The following KAZN variants were observed in gnomAD, a reference collection of about 807,000 sequenced individuals.
KAZN encodes the protein kazrin.
A neutral mutation model predicts 87.4 loss-of-function variants in KAZN; 40 were observed. That is an observed-to-expected ratio of 0.46 (90% confidence interval 0.36 to 0.60). The LOEUF (loss-of-function observed/expected upper bound fraction) is 0.60. KAZN is among the 20% of genes least tolerant of loss of function. The pLI is 0.00. For missense variants in KAZN, 898 were observed against 1,073.9 expected, an observed-to-expected ratio of 0.84 and a Z score of 2.29; for synonymous variants, 466 against 458.3, an observed-to-expected ratio of 1.02 and a Z score of -0.22.
intron 2 of KAZN, among the ~76,000 whole-genome samples, chr1:14,212,168 G>A (rs1044928360): frequency 2.0e-5 from 3 of 152,190 alleles, no homozygotes; most frequent in African/African-American, 7.2e-5. Context: ...AGCCAAAACA[G>A]CACCAGTGCC....
chr1:13,971,290 G>C (rs1642127349), intron 1 of KAZN, among the ~76,000 whole-genome samples: 1 of 152,308 alleles, frequency 6.6e-6, no homozygotes, highest in South Asian at 2.1e-4. Flanking sequence ...GTCTCTGCTT[G>C]CTTCACCTTT....
chr1:13,914,022 C>T lies in KAZN; in HGVS notation c.91+20266C>T, dbSNP rs555715460. On this transcript the variant is annotated intron_variant, in intron 1 of 16. Coordinates refer to the KAZN transcript ENST00000636203. ...ACTCTGGGGGTGAGGCCCGGTAATCCGAGTTTCAGCGCATTCTGGCCTGGC... is the reference window on the plus strand; with the variant it reads ...ACTCTGGGGGTGAGGCCCGGTAATCTGAGTTTCAGCGCATTCTGGCCTGGC... Among the ~76,000 whole-genome samples, 86 of 152,290 alleles carry T rather than the reference C, an allele frequency of 5.6e-4. No individual in the cohort carries two copies. The East Asian group carries it at 0.012, about 21-fold the overall frequency.
chr1:14,234,190 A>G (rs1315127726), intron 2 of KAZN, among the ~76,000 whole-genome samples: 1 of 152,214 alleles, frequency 6.6e-6, no homozygotes, highest in Non-Finnish European at 1.5e-5. Flanking sequence ...AAAATGTGGA[A>G]CATATATACC....
chr1:14,371,212 G>C (rs1011018989), intron 2 of KAZN, among the ~76,000 whole-genome samples: 1 of 152,184 alleles, frequency 6.6e-6, no homozygotes, highest in Non-Finnish European at 1.5e-5. Context: ...TTTGGGACAA[G>C]TCCTGGGGGA....
At chr1:14,780,202 C>T (rs928188907) in intron 1 of KAZN, among the ~76,000 whole-genome samples, 3 of 152,204 alleles carry the variant, frequency 2.0e-5, no homozygotes, top group African/African-American at 7.2e-5. Flanking sequence ...AAAGCCTTGG[C>T]CCGATCTTTG....
intron 2 of KAZN, among the ~76,000 whole-genome samples, chr1:14,529,914 A>C (rs968829767): frequency 7.2e-5 from 11 of 152,304 alleles, no homozygotes; most frequent in Non-Finnish European, 1.3e-4. Flanking sequence ...CTTTTATGAC[A>C]AAAGCACCTG....
intron 1 of KAZN, among the ~76,000 whole-genome samples, chr1:13,945,704 TGTGTGTGAGA>T (rs1430440706): frequency 2.1e-5 from 3 of 139,690 alleles, no homozygotes; most frequent in Non-Finnish European, 3.1e-5. Flanking sequence ...TGTGTGTGTG[TGTGTGTGAGA>T]GAGAGAGAGA....
intron 2 of KAZN, among the ~76,000 whole-genome samples, chr1:14,216,116 A>G (rs1434706704): frequency 6.6e-6 from 1 of 152,198 alleles, no homozygotes; most frequent in Non-Finnish European, 1.5e-5. Context: ...ATTGACAAAA[A>G]TATGATTTTG....
chr1:14,308,859 G>A (rs150174303), intron 2 of KAZN, among the ~76,000 whole-genome samples: 2 of 152,200 alleles, frequency 1.3e-5, no homozygotes, highest in East Asian at 1.9e-4. Flanking sequence ...ATGATTTCCT[G>A]GTCTGTCAGA....
chr1:14,990,455 CT>C lies in KAZN; in HGVS notation c.418+29581del, dbSNP rs1667242995. ...CCCAGGCTAGTCTTTAACTCCTGGG[CT>C]CAAGCAATCCACCCGCCTTGGCCTC... On this transcript the variant is annotated intron_variant, in intron 2 of 14. Transcript: ENST00000376030. 1.3e-5 allele frequency among the ~76,000 whole-genome samples: 2 copies of C among 152,218 alleles called. 1 individual carries two copies. The highest frequency in any genetic ancestry group is 4.1e-4 in the South Asian group (2 of 4,834).
intron 2 of KAZN, among the ~76,000 whole-genome samples, chr1:14,474,842 A>G (rs1490350339): frequency 6.6e-6 from 1 of 152,182 alleles, no homozygotes; most frequent in Admixed American, 6.5e-5. Flanking sequence ...TTAAGATGTA[A>G]TAGTGAGGCA....
At chr1:14,190,517 G>T (rs1014883906) in intron 2 of KAZN, among the ~76,000 whole-genome samples, 2 of 152,140 alleles carry the variant, frequency 1.3e-5, no homozygotes, top group African/African-American at 4.8e-5. Context: ...TGACTTTGCA[G>T]CCTTTCTCTA....
intron 8 of KAZN, among the ~76,000 whole-genome samples, chr1:15,085,772 G>T (rs943669856): frequency 1.3e-5 from 2 of 152,132 alleles, no homozygotes; most frequent in African/African-American, 4.8e-5. Flanking sequence ...GAATTAGAAA[G>T]TCCAACTTAT....
chr1:14,455,600 A>G (rs958710235), intron 2 of KAZN, among the ~76,000 whole-genome samples: 2 of 152,232 alleles, frequency 1.3e-5, no homozygotes, highest in African/African-American at 4.8e-5. Context: ...GTGATCTGAA[A>G]GAAAAAATAA....
intron 1 of KAZN, among the ~76,000 whole-genome samples, chr1:14,877,112 A>G (rs757026276): frequency 1.3e-5 from 2 of 152,062 alleles, no homozygotes; most frequent in Non-Finnish European, 1.5e-5. Context: ...TCCTTCAGGC[A>G]TGACTGGCTC....
At chr1:14,659,881 T>TAA (rs1039344560) in intron 1 of KAZN, among the ~76,000 whole-genome samples, 3 of 140,102 alleles carry the variant, frequency 2.1e-5, no homozygotes, top group South Asian at 4.5e-4. Context: ...ACACATTCTT[T>TAA]AAAAAAAAAA....
chr1:15,066,464 C>T lies in KAZN; in HGVS notation c.1222+711C>T. On this transcript the variant is annotated intron_variant, in intron 8 of 14. Transcript: ENST00000376030. The surrounding 1 kb of genome is among the most constrained non-coding windows in gnomAD (Gnocchi z 4.3). The stretch of plus-strand genomic sequence containing the variant: ...CTCTACAAAGACTCGCGAGCCGGGC[C>T]AAGGGGCCTTGTCTTGGCTGGGTTT... 4.1e-6 allele frequency: 4 copies of T among 985,412 alleles called. No individual in the cohort carries two copies. The highest frequency in any genetic ancestry group is 4.8e-6 in the Non-Finnish European group (4 of 829,946). The allele number at this position is 985,412 out of a possible 1,614,324, so 61.0% of individuals were successfully genotyped here. A position where few individuals can be genotyped will look rare whatever the true frequency, so the allele number is the denominator to read the frequency against.
chr1:14,494,006 C>T (rs1323118547), intron 2 of KAZN, among the ~76,000 whole-genome samples: 1 of 152,176 alleles, frequency 6.6e-6, no homozygotes, highest in East Asian at 1.9e-4. Context: ...TCTCCTTGGG[C>T]CATGTCTTCT....
chr1:15,089,195 C>G (rs954419252), intron 8 of KAZN, among the ~76,000 whole-genome samples: 14 of 152,162 alleles, frequency 9.2e-5, no homozygotes, highest in African/African-American at 2.4e-4. Context: ...GACTCAGGAG[C>G]AGCAGCCAAC....
Sources: gnomAD v4.1 joint callset for allele counts (sites outside exome capture counted in the v4.1 genomes callset) on GRCh38, gnomAD v4.1.1 for gene constraint, Gnocchi (gnomAD v3.1) non-coding constraint, MANE v1.5 for transcripts, NCBI Gene and HGNC (gene_info 2026-07-23, HGNC 2026-07-21) for gene names.